Variants in RAD54B observed in about 807,000 individuals in gnomAD.
RAD54B encodes the protein DNA repair and recombination protein RAD54B.
RAD54B carries 78 observed loss-of-function variants against 95.8 expected under a neutral mutation model. The observed-to-expected ratio is 0.81, with a 90% CI of 0.68 to 0.98. RAD54B has a LOEUF of 0.98. Among genes scored for constraint, RAD54B ranks in the 50% least tolerant of loss-of-function variants. The pLI is 0.00. For missense variants in RAD54B, 957 were observed against 1,056.6 expected (o/e 0.91, Z 1.31); for synonymous variants, 328 against 354.9 (o/e 0.92, Z 0.85).
chr8:94,396,296 T>G (rs1358211285), intron 8 of RAD54B, among the ~76,000 whole-genome samples: 1 of 151,644 alleles, frequency 6.6e-6, no homozygotes, highest in African/African-American at 2.4e-5. Flanking sequence ...CAAGTTGGTG[T>G]ACTTACTAAG....
At chr8:94,396,099 G>T (rs1811137215) in intron 8 of RAD54B, among the ~76,000 whole-genome samples, 1 of 151,852 alleles carries the variant, frequency 6.6e-6, no homozygotes, top group Admixed American at 6.6e-5. Context: ...AGTAAGGAAG[G>T]GGGGAAAAAG....
intron 3 of RAD54B, among the ~76,000 whole-genome samples, chr8:94,417,760 C>G (rs908927875): frequency 6.6e-6 from 1 of 152,064 alleles, no homozygotes; most frequent in African/African-American, 2.4e-5. Flanking sequence ...TGCCAAATGC[C>G]TGAAAATTTA....
At chr8:94,409,002 T>G (rs1389154495) in intron 4 of RAD54B, among the ~76,000 whole-genome samples, 2 of 150,280 alleles carry the variant, frequency 1.3e-5, no homozygotes, top group African/African-American at 4.9e-5. Flanking sequence ...ACATACTGGT[T>G]TTTTTTTTTT....
chr8:94,385,263 C>G (rs181372061), intron 11 of RAD54B, among the ~76,000 whole-genome samples: 401 of 152,084 alleles, frequency 2.6e-3, no homozygotes, highest in African/African-American at 9.3e-3. Flanking sequence ...TATATTCAAA[C>G]TGTATCTCTT....
chr8:94,436,819 T>G (rs189117544), intron 3 of RAD54B: 53 of 1,546,906 alleles, frequency 3.4e-5, no homozygotes, highest in Non-Finnish European at 4.3e-5. Context: ...CTTTAGCAAA[T>G]CAAGCTTTTC....
chr8:94,407,625 G>C lies in RAD54B; in HGVS notation c.595C>G (p.Pro199Ala). ...CACCTGCCACTGCTGAAGTCATCTG[G>C]AGAGATTACACCCATGACTTCTATT... The part of the protein sequence containing the change: ...KEIEVMGVIS[P>A]DDFSSGRCFQ... Residue 199 changes from proline to alanine, a missense_variant, in exon 5 of 15, where the codon CCA (proline) becomes GCA (alanine). Physicochemically the swap from Pro to Ala is conservative, Grantham distance 27. Coordinates refer to ENST00000336148, the MANE Select transcript of RAD54B (RefSeq NM_012415.3). 6.2e-7 allele frequency: 1 copy of C among 1,613,902 alleles called. No individual in the cohort carries two copies. Among genetic ancestry groups the C allele is most frequent in the Non-Finnish European group, 8.5e-7 (1 of 1,179,918 alleles).
intron 14 of RAD54B, among the ~76,000 whole-genome samples, chr8:94,377,286 A>G (rs1469549201): frequency 1.3e-5 from 2 of 152,132 alleles, no homozygotes; most frequent in Non-Finnish European, 2.9e-5. Context: ...CTGTAATCCC[A>G]GCACTTTGAG....
chr8:94,411,198 C>CA lies in RAD54B; in HGVS notation c.421dup (p.Trp141LeufsTer4). 1 of 1,611,172 alleles carries CA rather than the reference C, an allele frequency of 6.2e-7. No homozygotes were observed. Among genetic ancestry groups the CA allele is most frequent in the Non-Finnish European group, 8.5e-7 (1 of 1,178,880 alleles). On this transcript the variant is annotated frameshift_variant, in exon 4 of 15. Coordinates refer to ENST00000336148, the MANE Select transcript of RAD54B (RefSeq NM_012415.3). LOFTEE classifies it high-confidence loss of function. ...TACAATAAGAACAGCATCACCTTCC[C>CA]ACTTTTTATGTTTTTTCTTTGAAGG...
chr8:94,473,863 A>G (rs1813228312), intron 1 of RAD54B, among the ~76,000 whole-genome samples: 1 of 152,148 alleles, frequency 6.6e-6, no homozygotes, highest in Admixed American at 6.5e-5. Flanking sequence ...GGCTATATAG[A>G]TGGTTCCTAA....
At chr8:94,382,298 T>A (rs1455562939) in intron 11 of RAD54B, among the ~76,000 whole-genome samples, 3 of 152,182 alleles carry the variant, frequency 2.0e-5, no homozygotes, top group East Asian at 3.9e-4. Flanking sequence ...GAAAAATAGG[T>A]CATATGCAAA....
At chr8:94,444,410 T>TAA (rs61282884) in intron 3 of RAD54B, among the ~76,000 whole-genome samples, 15,124 of 137,792 alleles carry the variant, frequency 0.11, 1,525 homozygotes, top group African/African-American at 0.26. Flanking sequence ...TTTTAATAGT[T>TAA]AAAAAAAAAA....
At position 94,430,523 on chromosome 8, in the gene RAD54B, T is replaced by C. The variant is rs947191676; in HGVS notation, c.305-19208A>G. On this transcript the variant is annotated intron_variant, in intron 3 of 14. Transcript: ENST00000336148. Reference sequence around the variant, plus strand: ...TCGCTAAAGGGTTTATTAAAAGAGATTGCTGACACCCCCAGGGTTTCTAAT... The same window carrying C: ...TCGCTAAAGGGTTTATTAAAAGAGACTGCTGACACCCCCAGGGTTTCTAAT... 25 of 859,112 alleles carry C rather than the reference T, an allele frequency of 2.9e-5. 1 individual carries two copies. In the Middle Eastern group the frequency reaches 1.8e-3, roughly 61 times the overall value. 53.2% of individuals were successfully genotyped at this position (859,112 alleles called of 1,614,324 possible).
chr8:94,444,892 A>G, intron 3 of RAD54B, among the ~76,000 whole-genome samples: 1 of 152,178 alleles, frequency 6.6e-6, no homozygotes, highest in Middle Eastern at 3.2e-3. Context: ...TTTGAAATGT[A>G]ATCATCAGGA....
At chr8:94,411,344 TA>T in intron 3 of RAD54B, 29 bp from the exon 4 acceptor site, 2 of 1,519,174 alleles carry the variant, frequency 1.3e-6, no homozygotes, top group Non-Finnish European at 8.8e-7. Context: ...CACACATTAT[TA>T]AAAATGACTT....
intron 3 of RAD54B, among the ~76,000 whole-genome samples, chr8:94,418,961 T>C (rs1811736619): frequency 6.6e-6 from 1 of 152,196 alleles, no homozygotes; most frequent in South Asian, 2.1e-4. Flanking sequence ...TTGAATTTGA[T>C]TAGTGATAGG....
chr8:94,383,574 A>G (rs1563636070), intron 11 of RAD54B, among the ~76,000 whole-genome samples: 1 of 152,228 alleles, frequency 6.6e-6, no homozygotes, highest in Non-Finnish European at 1.5e-5. Context: ...TGATTGTTCT[A>G]TTATTAGTTA....
In RAD54B at chr8:94,404,193, GA is replaced by G. The variant is rs1418789553; in HGVS notation, c.827del (p.Phe276SerfsTer11). 6.2e-7 allele frequency: 1 copy of G among 1,611,032 alleles called. No homozygotes were observed. Among genetic ancestry groups the G allele is most frequent in the African/African-American group, 1.3e-5 (1 of 74,798 alleles). Reference protein sequence around the residue: ...PRPDKNHQWVFNKNCFPLVDV... With the variant: ...PRPDKNHQWVXNKNCFPLVDV... ...CCACAAGAGGGAAACAGTTCTTATT[GA>G]ATACCCACTGGTGATTCTTATCTGG... On this transcript the variant is annotated frameshift_variant, in exon 6 of 15. Transcript: ENST00000336148. LOFTEE classifies it high-confidence loss of function.
At chr8:94,474,749 A>G (rs948863202) in intron 1 of RAD54B, among the ~76,000 whole-genome samples, 1 of 152,018 alleles carries the variant, frequency 6.6e-6, no homozygotes, top group Non-Finnish European at 1.5e-5. Context: ...GCCCAGAACC[A>G]TCCCTCCCAC....
In RAD54B at chr8:94,411,272, T is replaced by C. The variant is rs759243870; in HGVS notation, c.348A>G (p.Glu116=). The stretch of plus-strand genomic sequence containing the variant: ...ATTTAACTAGGCTATCAGATTTCTC[T>C]TCTTGTTCCTTGGACACTGCTACTT... ...PKEVAVSKEQ[E]EKSDSLVKYF... is the part of the protein sequence containing the mutation. The change falls in exon 4 of 15, where the codon GAA becomes GAG. Residue 116 remains glutamate (E), a synonymous_variant. Coordinates refer to ENST00000336148, the MANE Select transcript of RAD54B (RefSeq NM_012415.3). 2 of 1,605,972 alleles carry C rather than the reference T, an allele frequency of 1.2e-6. No homozygotes were observed. The highest frequency in any genetic ancestry group is 1.7e-6 in the Non-Finnish European group (2 of 1,177,990).
Sources: gnomAD v4.1 joint callset for allele counts (sites outside exome capture counted in the v4.1 genomes callset) on GRCh38, gnomAD v4.1.1 for gene constraint, MANE v1.5 for transcripts, NCBI Gene and HGNC (gene_info 2026-07-23, HGNC 2026-07-21) for gene names.